RIT2: variants seen among roughly 807,000 people sequenced by gnomAD.
RIT2 encodes the protein Ras like without CAAX 2.
Under a neutral mutation model 23.7 loss-of-function variants are expected in RIT2, and 24 were observed. The ratio of observed to expected loss-of-function variants is 1.01; its 90% CI spans 0.73 to 1.43. The LOEUF is 1.43. Among genes scored for constraint, RIT2 ranks in the 40% most tolerant of loss-of-function variants. RIT2 has a pLI of 0.00. For synonymous variants in RIT2, 107 were observed against 91.1 expected (o/e 1.17, Z -0.99); for missense variants, 236 against 266.9 (o/e 0.88, Z 0.81).
At chr18:43,076,038 G>A (rs551936817) in intron 1 of RIT2, among the ~76,000 whole-genome samples, 1 of 152,258 alleles carries the variant, frequency 6.6e-6, no homozygotes, top group South Asian at 2.1e-4. Context: ...ATTAAGCAGA[G>A]GCCTGGCTTT....
At chr18:43,035,531 T>A (rs756507708) in intron 1 of RIT2, among the ~76,000 whole-genome samples, 6 of 152,150 alleles carry the variant, frequency 3.9e-5, no homozygotes, top group Non-Finnish European at 8.8e-5. Flanking sequence ...ACCTAAACTT[T>A]CGTACTTCCA....
intron 4 of RIT2, among the ~76,000 whole-genome samples, chr18:42,763,472 A>AAG (rs1913351814): frequency 6.6e-6 from 1 of 151,472 alleles, no homozygotes; most frequent in African/African-American, 2.4e-5. Context: ...AAAAAAAAAA[A>AAG]AAAAGGTACA....
intron 1 of RIT2, among the ~76,000 whole-genome samples, chr18:43,089,631 T>C (rs1913373245): frequency 6.6e-6 from 1 of 150,986 alleles, no homozygotes; most frequent in Admixed American, 6.6e-5. Flanking sequence ...CTACCCAGTT[T>C]CAAATTATAT....
intron 1 of RIT2, among the ~76,000 whole-genome samples, chr18:43,101,002 CATAA>C (rs1913670697): frequency 6.6e-6 from 1 of 151,336 alleles, no homozygotes; most frequent in African/African-American, 2.4e-5. Context: ...TGTATTCACA[CATAA>C]ATATGTGCAC....
intron 4 of RIT2, among the ~76,000 whole-genome samples, chr18:42,832,238 A>G (rs1906479432): frequency 6.6e-6 from 1 of 152,252 alleles, no homozygotes; most frequent in African/African-American, 2.4e-5. Context: ...GTATTTGGTC[A>G]GAGTTAAAAT....
intron 1 of RIT2, among the ~76,000 whole-genome samples, chr18:43,094,824 C>A (rs958041296): frequency 1.4e-4 from 22 of 151,890 alleles, no homozygotes; most frequent in Non-Finnish European, 2.4e-4. Context: ...GGTTTTCTGT[C>A]CTTGTGATAG....
At chr18:42,986,232 G>T (rs935737564) in intron 2 of RIT2, among the ~76,000 whole-genome samples, 13 of 151,644 alleles carry the variant, frequency 8.6e-5, no homozygotes, top group South Asian at 2.1e-4. Context: ...GTAGAGATGG[G>T]GTTTCACCAT....
Position 43,097,265 on chromosome 18 carries a change from G to A in RIT2, c.103+18152C>T, listed in dbSNP as rs554706564. Among the ~76,000 whole-genome samples the A allele has an allele frequency of 5.3e-5, 8 of 151,974 alleles. No homozygotes were observed. In the South Asian group the frequency reaches 1.0e-3, roughly 20 times the overall value. On this transcript the variant is annotated intron_variant, in intron 1 of 4. Transcript: ENST00000326695. ...CTGTAGCTGCTGAGGACCAGGGAGCGACAATTTGAGAAGTACTGGCATAGA... is the reference window on the plus strand; with the variant it reads ...CTGTAGCTGCTGAGGACCAGGGAGCAACAATTTGAGAAGTACTGGCATAGA...
At chr18:43,069,886 A>G (rs1912859279) in intron 1 of RIT2, among the ~76,000 whole-genome samples, 1 of 152,070 alleles carries the variant, frequency 6.6e-6, no homozygotes, top group Non-Finnish European at 1.5e-5. Context: ...CAATAAAATA[A>G]TAACTTTCTC....
intron 2 of RIT2, among the ~76,000 whole-genome samples, chr18:42,993,434 C>T (rs576278572): frequency 6.6e-5 from 10 of 152,194 alleles, no homozygotes; most frequent in African/African-American, 7.2e-5. Context: ...AAGGTAAGTC[C>T]GTCCCCTTCT....
chr18:42,826,771 C>T (rs1005938214), intron 4 of RIT2, among the ~76,000 whole-genome samples: 3 of 151,776 alleles, frequency 2.0e-5, no homozygotes, highest in East Asian at 1.9e-4. Context: ...AGCAAATGTG[C>T]CAAATACACG....
At chr18:42,978,675 G>A (rs1910528094) in intron 2 of RIT2, among the ~76,000 whole-genome samples, 1 of 152,048 alleles carries the variant, frequency 6.6e-6, no homozygotes, top group Non-Finnish European at 1.5e-5. Flanking sequence ...CTGCATTCTT[G>A]GAGGCATCCA....
Position 42,857,050 on chromosome 18 carries a change from G to A in RIT2, c.426+66522C>T, listed in dbSNP as rs370398137. Among the ~76,000 whole-genome samples the A allele has an allele frequency of 1.0e-3, 158 of 152,100 alleles. 3 individuals are homozygous for A. The South Asian group carries it at 0.031, about 30-fold the overall frequency. On this transcript the variant is annotated intron_variant, in intron 4 of 4. Coordinates refer to ENST00000326695, the MANE Select transcript of RIT2 (RefSeq NM_002930.4). Reference sequence around the variant, plus strand: ...TCACCATGTTAGCCAGGATGGTCTCGATCTCCTGACCCGCCCACCTCGGCC... The same window carrying A: ...TCACCATGTTAGCCAGGATGGTCTCAATCTCCTGACCCGCCCACCTCGGCC...
rs146826767 is a variant in RIT2 at position 42,836,976 on chromosome 18, A to G, written c.426+86596T>C. Among the ~76,000 whole-genome samples the G allele has an allele frequency of 2.8e-3, 425 of 152,152 alleles. 3 individuals are homozygous for G. Among genetic ancestry groups the G allele is most frequent in the African/African-American group, 9.1e-3 (378 of 41,518 alleles). On this transcript the variant is annotated intron_variant, in intron 4 of 4. Transcript: ENST00000326695. The stretch of plus-strand genomic sequence containing the variant: ...TGGGTTCACTAATGCATAATTTTTC[A>G]AACTATCTATGGAGACAGCTGTCGT...
intron 3 of RIT2, among the ~76,000 whole-genome samples, chr18:42,966,424 T>C (rs1910225903): frequency 6.6e-6 from 1 of 152,234 alleles, no homozygotes; most frequent in African/African-American, 2.4e-5. Context: ...AGTACTCTTA[T>C]GACAAGTATA....
chr18:42,999,669 T>C (rs886184754), intron 2 of RIT2, among the ~76,000 whole-genome samples: 9 of 152,056 alleles, frequency 5.9e-5, no homozygotes, highest in Non-Finnish European at 1.3e-4. Flanking sequence ...ACCTGATCCA[T>C]GAAATCATTG....
At chr18:42,761,829 C>T (rs1004445440) in intron 4 of RIT2, among the ~76,000 whole-genome samples, 1 of 152,166 alleles carries the variant, frequency 6.6e-6, no homozygotes, top group South Asian at 2.1e-4. Flanking sequence ...AGGAATGCAC[C>T]TTCTTGCCCA....
At chr18:43,078,849 C>T (rs1913086874) in intron 1 of RIT2, among the ~76,000 whole-genome samples, 2 of 152,122 alleles carry the variant, frequency 1.3e-5, no homozygotes, top group African/African-American at 2.4e-5. Context: ...AATCTTCTGT[C>T]CAAGGGCATC....
At chr18:42,854,723 C>T (rs1907139233) in intron 4 of RIT2, among the ~76,000 whole-genome samples, 1 of 152,154 alleles carries the variant, frequency 6.6e-6, no homozygotes. Flanking sequence ...GAAGATAAGA[C>T]TATAATTAAA....
Sources: gnomAD v4.1 joint callset for allele counts (sites outside exome capture counted in the v4.1 genomes callset) on GRCh38, gnomAD v4.1.1 for gene constraint, MANE v1.5 for transcripts, NCBI Gene and HGNC (gene_info 2026-07-23, HGNC 2026-07-21) for gene names.